SPEF2: variants seen among roughly 807,000 people sequenced by gnomAD.
SPEF2 encodes sperm flagella and cilia-associated protein 2.
Under a neutral mutation model 224.6 loss-of-function variants are expected in SPEF2, and 187 were observed. The ratio of observed to expected loss-of-function variants is 0.83; its 90% CI spans 0.74 to 0.94. The LOEUF is 0.94. Among genes scored for constraint, SPEF2 ranks in the 40% least tolerant of loss-of-function variants. The pLI is 0.00. For missense variants in SPEF2, 2,170 were observed against 2,135.6 expected, an observed-to-expected ratio of 1.02 and a Z score of -0.32; for synonymous variants, 715 against 707.3, an observed-to-expected ratio of 1.01 and a Z score of -0.17.
intron 10 of SPEF2, among the ~76,000 whole-genome samples, chr5:35,688,466 GAAAT>G (rs1266910561): frequency 2.6e-5 from 4 of 152,136 alleles, no homozygotes; most frequent in Admixed American, 1.3e-4. Context: ...TTTCAAATCA[GAAAT>G]AAATGTTGAG....
intron 33 of SPEF2, among the ~76,000 whole-genome samples, chr5:35,797,804 C>G (rs1159111279): frequency 1.3e-5 from 2 of 152,248 alleles, no homozygotes; most frequent in Admixed American, 1.3e-4. Context: ...GAGAAATGGA[C>G]ACATTAGAAA....
Position 35,643,740 on chromosome 5 carries a change from T to C in SPEF2, c.415-615T>C, listed in dbSNP as rs935180750. The C allele has an allele frequency of 3.4e-5, 11 of 324,160 alleles. No individual in the cohort carries two copies. The Middle Eastern group carries it at 1.9e-3, about 57-fold the overall frequency. 20.1% of individuals were successfully genotyped at this position (324,160 alleles called of 1,614,324 possible). ...GTTGAAATTTATTAAACAGCATGCC[T>C]AGTGATGTGCCAAGCCCTGTTTCAG... On this transcript the variant is annotated intron_variant, in intron 3 of 36. Transcript: ENST00000356031.
chr5:35,734,245 C>A (rs891454966), intron 21 of SPEF2, among the ~76,000 whole-genome samples: 3 of 152,154 alleles, frequency 2.0e-5, no homozygotes, highest in East Asian at 3.9e-4. Flanking sequence ...TTTCACCAAG[C>A]CCTGCAAACA....
chr5:35,807,876 A>C (rs1370043403), intron 36 of SPEF2: 1 of 1,477,980 alleles, frequency 6.8e-7, no homozygotes, highest in Admixed American at 2.2e-5. Context: ...AACAGCAGGG[A>C]CTAAGGAGGG....
intron 8 of SPEF2, among the ~76,000 whole-genome samples, chr5:35,665,336 G>A (rs1750323427): frequency 1.3e-5 from 2 of 150,852 alleles, no homozygotes; most frequent in Admixed American, 6.6e-5. Context: ...CCACTTAGCT[G>A]TAATGAGACA....
Position 35,700,487 on chromosome 5 carries a change from T to G in SPEF2, c.2142-9T>G, listed in dbSNP as rs557541731. 15 of 1,605,240 alleles carry G rather than the reference T, an allele frequency of 9.3e-6. No homozygotes were observed. The African/African-American group carries it at 1.7e-4, about 19-fold the overall frequency. On this transcript the variant is annotated splice_polypyrimidine_tract_variant and intron_variant, in intron 15 of 36. Transcript: ENST00000356031. Reference sequence around the variant, plus strand: ...CAAAATATTCATGAGTTGTCCTGTTTCAATTTAGTGAGATACCTGTGAATC... The same window carrying G: ...CAAAATATTCATGAGTTGTCCTGTTGCAATTTAGTGAGATACCTGTGAATC...
intron 26 of SPEF2, among the ~76,000 whole-genome samples, chr5:35,764,052 G>T (rs922890991): frequency 6.6e-6 from 1 of 152,162 alleles, no homozygotes; most frequent in Non-Finnish European, 1.5e-5. Flanking sequence ...AGGGGCACAT[G>T]CAATTGCCAT....
At chr5:35,790,067 C>T (rs2149827084) in intron 30 of SPEF2, 1 of 702,742 alleles carries the variant, frequency 1.4e-6, no homozygotes, top group South Asian at 1.5e-5. Flanking sequence ...TTGTGAATTC[C>T]ATTTACTTAC....
At chr5:35,710,172 A>T in intron 19 of SPEF2, 2 of 984,920 alleles carry the variant, frequency 2.0e-6, no homozygotes, top group Non-Finnish European at 2.4e-6. Flanking sequence ...CATGAATTAA[A>T]CATACACCCT....
intron 4 of SPEF2, 46 bp downstream of exon 4, chr5:35,644,571 CA>C (rs775751409): frequency 1.4e-6 from 2 of 1,467,176 alleles, no homozygotes; most frequent in African/African-American, 2.8e-5. Flanking sequence ...GCATAGTATA[CA>C]GTTTGTGATT....
chr5:35,683,423 G>A (rs1378022886), intron 10 of SPEF2, among the ~76,000 whole-genome samples: 8 of 152,108 alleles, frequency 5.3e-5, no homozygotes, highest in Non-Finnish European at 7.4e-5. Context: ...TCAGGAGTTC[G>A]AGACCAGCCT....
intron 23 of SPEF2, among the ~76,000 whole-genome samples, chr5:35,741,174 TA>T (rs1747566690): frequency 6.6e-6 from 1 of 152,090 alleles, no homozygotes; most frequent in Non-Finnish European, 1.5e-5. Flanking sequence ...AATAAACAAA[TA>T]AGCATATAGT....
chr5:35,653,946 CAA>C (rs67527515), intron 6 of SPEF2, among the ~76,000 whole-genome samples: 43,972 of 87,574 alleles, frequency 0.5, 8,469 homozygotes, highest in East Asian at 0.62. Context: ...GACTCTGTCT[CAA>C]AAAAAAAAAA....
chr5:35,694,705 A>G lies in SPEF2; in HGVS notation c.1975+342A>G, dbSNP rs114732741. 9.0e-3 allele frequency among the ~76,000 whole-genome samples: 1,369 copies of G among 152,332 alleles called. 17 individuals are homozygous for G. Among genetic ancestry groups the G allele is most frequent in the African/African-American group, 0.032 (1,332 of 41,558 alleles). On this transcript the variant is annotated intron_variant, in intron 13 of 36. Coordinates refer to ENST00000356031, the MANE Select transcript of SPEF2 (RefSeq NM_024867.4). ...TTCTCACCAGTGTGTAAGACTGGGT[A>G]TATGAGTACAATTGGGGCTTTCTAC...
intron 6 of SPEF2, among the ~76,000 whole-genome samples, chr5:35,653,230 A>G (rs1455373474): frequency 6.6e-6 from 1 of 152,230 alleles, no homozygotes; most frequent in Admixed American, 6.5e-5. Context: ...CGTTTTGGAC[A>G]TGAGATAGGA....
At position 35,670,054 on chromosome 5, in the gene SPEF2, G is replaced by A. The variant is rs372767462; in HGVS notation, c.1356-5G>A. 2.8e-4 allele frequency: 443 copies of A among 1,573,790 alleles called. 3 individuals are homozygous for A. Among genetic ancestry groups the A allele is most frequent in the Non-Finnish European group, 3.2e-4 (369 of 1,166,220 alleles). The stretch of plus-strand genomic sequence containing the variant: ...ATTCATCTCTACCTTTTTTTTGTGC[G>A]ATAGTCTGATTCCGTATAAGTTGAT... On this transcript the variant is annotated splice_region_variant and splice_polypyrimidine_tract_variant and intron_variant, in intron 9 of 36. Transcript: ENST00000356031.
At chr5:35,677,462 C>G (rs1752186352) in intron 10 of SPEF2, among the ~76,000 whole-genome samples, 1 of 152,188 alleles carries the variant, frequency 6.6e-6, no homozygotes, top group Non-Finnish European at 1.5e-5. Context: ...GTGATTCAGT[C>G]TCAAGGGCAC....
At chr5:35,668,942 A>G (rs891597780) in intron 9 of SPEF2, among the ~76,000 whole-genome samples, 1 of 152,138 alleles carries the variant, frequency 6.6e-6, no homozygotes, top group African/African-American at 2.4e-5. Flanking sequence ...TAAAGCCCTA[A>G]TAAGTGGTGG....
At chr5:35,650,001 A>C (rs1747948427) in intron 6 of SPEF2, among the ~76,000 whole-genome samples, 1 of 152,226 alleles carries the variant, frequency 6.6e-6, no homozygotes, top group African/African-American at 2.4e-5. Context: ...GGGATGACAT[A>C]TGTAGGAACA....
Sources: allele counts gnomAD v4.1 joint callset (sites outside exome capture counted in the v4.1 genomes callset), GRCh38; gene constraint gnomAD v4.1.1; transcripts MANE v1.5; gene names NCBI Gene and HGNC (gene_info 2026-07-23, HGNC 2026-07-21).